The following FBXL7 variants were observed in gnomAD, a reference collection of about 807,000 sequenced individuals.
FBXL7 encodes F-box and leucine rich repeat protein 7, also known as F-box/LRR-repeat protein 7.
A neutral mutation model predicts 38.3 loss-of-function variants in FBXL7; 12 were observed. The ratio of observed to expected loss-of-function variants is 0.31; its 90% CI spans 0.20 to 0.51. FBXL7 has a LOEUF of 0.51. FBXL7 is among the 20% of genes least tolerant of loss of function. The probability of loss-of-function intolerance (pLI) is 0.98; values close to 1 mark genes in which losing one functional copy is unlikely to be tolerated. For missense variants in FBXL7, 567 were observed against 676.4 expected, an observed-to-expected ratio of 0.84 and a Z score of 1.79; for synonymous variants, 297 against 300.9, an observed-to-expected ratio of 0.99 and a Z score of 0.13.
At chr5:15,880,780 G>C (rs1397214903) in intron 2 of FBXL7, among the ~76,000 whole-genome samples, 2 of 147,682 alleles carry the variant, frequency 1.4e-5, no homozygotes, top group Admixed American at 1.4e-4. Context: ...ATTCCTGTAA[G>C]CCAAGGAAAG....
In FBXL7 at chr5:15,551,699, C is replaced by CAAAGA. The variant is rs1451611038; in HGVS notation, c.37+50987_37+50988insAAGAA. Among the ~76,000 whole-genome samples the CAAAGA allele has an allele frequency of 3.9e-5, 6 of 152,032 alleles. No individual in the cohort carries two copies. In the South Asian group the frequency reaches 6.2e-4, roughly 16 times the overall value. The stretch of plus-strand genomic sequence containing the variant: ...ATTAAGGAATTTTTTCCAAAAAATC[C>CAAAGA]ATTTTATGCCTCTTCATTTTTTCTG... On this transcript the variant is annotated intron_variant, in intron 1 of 3. Coordinates refer to ENST00000504595, the MANE Select transcript of FBXL7 (RefSeq NM_012304.5).
intron 2 of FBXL7, among the ~76,000 whole-genome samples, chr5:15,783,374 C>T (rs1036425937): frequency 2.0e-5 from 3 of 152,052 alleles, no homozygotes; most frequent in African/African-American, 7.2e-5. Flanking sequence ...AGACGAGATG[C>T]CTAAGGCAGA....
chr5:15,618,184 G>C (rs2126522388), intron 2 of FBXL7, among the ~76,000 whole-genome samples: 1 of 152,138 alleles, frequency 6.6e-6, no homozygotes, highest in East Asian at 1.9e-4. Flanking sequence ...TTGTCACAAT[G>C]TATTTTCTGT....
At chr5:15,718,589 A>G (rs1744108716) in intron 2 of FBXL7, among the ~76,000 whole-genome samples, 2 of 152,362 alleles carry the variant, frequency 1.3e-5, no homozygotes, top group Non-Finnish European at 2.9e-5. Flanking sequence ...CATCGTGATA[A>G]TCACAAGTTT....
chr5:15,554,625 T>C (rs1401000507), intron 1 of FBXL7, among the ~76,000 whole-genome samples: 2 of 152,160 alleles, frequency 1.3e-5, no homozygotes, highest in African/African-American at 4.8e-5. Context: ...TGAGAGTTCT[T>C]TACAAAGGGA....
intron 2 of FBXL7, among the ~76,000 whole-genome samples, chr5:15,768,518 G>A (rs1349155401): frequency 1.3e-5 from 2 of 149,728 alleles, no homozygotes; most frequent in Non-Finnish European, 3.0e-5. Context: ...GCGACGGAGC[G>A]AGACTCTGTC....
At chr5:15,797,922 G>A (rs933589544) in intron 2 of FBXL7, among the ~76,000 whole-genome samples, 1 of 152,176 alleles carries the variant, frequency 6.6e-6, no homozygotes, top group Non-Finnish European at 1.5e-5. Context: ...GATTTGCCCA[G>A]ACCTTTCAGG....
chr5:15,939,003 T>G lies in FBXL7; in HGVS notation c.*1817T>G, dbSNP rs1303082901. 2.5e-6 allele frequency: 1 copy of G among 398,980 alleles called. No individual in the cohort carries two copies. Among genetic ancestry groups the G allele is most frequent in the Non-Finnish European group, 4.4e-6 (1 of 226,080 alleles). The allele number at this position is 398,980 out of a possible 1,614,324, so 24.7% of individuals were successfully genotyped here. A position where few individuals can be genotyped will look rare whatever the true frequency, so the allele number is the denominator to read the frequency against. On this transcript the variant is annotated 3_prime_UTR_variant, in exon 4 of 4. Transcript: ENST00000504595. ...ATCTCCAAGCCAGTTATGCTGAATT[T>G]GTCAAACTTAGACACCCTTGACAAC...
intron 2 of FBXL7, among the ~76,000 whole-genome samples, chr5:15,724,552 G>T (rs1463561875): frequency 2.0e-5 from 3 of 152,206 alleles, no homozygotes; most frequent in Admixed American, 6.5e-5. Context: ...TTTCACAATA[G>T]ATTAGTTTTA....
intron 2 of FBXL7, among the ~76,000 whole-genome samples, chr5:15,730,695 T>C (rs1459328092): frequency 6.6e-6 from 1 of 152,222 alleles, no homozygotes; most frequent in East Asian, 1.9e-4. Flanking sequence ...ATGTATGTTT[T>C]GTTCTATTTT....
At chr5:15,576,317 C>T (rs542301499) in intron 1 of FBXL7, among the ~76,000 whole-genome samples, 3 of 151,956 alleles carry the variant, frequency 2.0e-5, no homozygotes, top group Non-Finnish European at 2.9e-5. Flanking sequence ...CTCCTGACCT[C>T]AGGTGATCCA....
At chr5:15,886,326 C>T (rs913090307) in intron 2 of FBXL7, among the ~76,000 whole-genome samples, 2 of 151,978 alleles carry the variant, frequency 1.3e-5, no homozygotes, top group African/African-American at 4.8e-5. Context: ...CATATTTTTA[C>T]AGTGAGAACA....
chr5:15,913,756 A>G (rs1030397876), intron 2 of FBXL7, among the ~76,000 whole-genome samples: 2 of 152,244 alleles, frequency 1.3e-5, no homozygotes, highest in South Asian at 4.1e-4. Flanking sequence ...AAGCCTTTGC[A>G]TGAAAATACA....
intron 1 of FBXL7, among the ~76,000 whole-genome samples, chr5:15,502,162 A>T (rs1736508974): frequency 6.6e-6 from 1 of 152,154 alleles, no homozygotes; most frequent in Admixed American, 6.5e-5. Flanking sequence ...TTCTGGGTGT[A>T]TGCTAGTTGA....
At chr5:15,611,151 G>A (rs568807533) in intron 1 of FBXL7, among the ~76,000 whole-genome samples, 2 of 152,112 alleles carry the variant, frequency 1.3e-5, no homozygotes, top group South Asian at 4.1e-4. Flanking sequence ...TAATCCTTGA[G>A]GCACTTTTAG....
intron 1 of FBXL7, among the ~76,000 whole-genome samples, chr5:15,501,174 T>C (rs1469421133): frequency 6.6e-6 from 1 of 152,192 alleles, no homozygotes; most frequent in Non-Finnish European, 1.5e-5. Flanking sequence ...CTTTGCTCGC[T>C]GCTCCTGCTC....
chr5:15,571,306 T>A (rs1738773496), intron 1 of FBXL7, among the ~76,000 whole-genome samples: 2 of 152,100 alleles, frequency 1.3e-5, no homozygotes, highest in South Asian at 2.1e-4. Flanking sequence ...CAGTTAGTCA[T>A]CCTTCCTTTA....
intron 2 of FBXL7, among the ~76,000 whole-genome samples, chr5:15,655,715 C>G (rs1741857796): frequency 6.6e-6 from 1 of 152,110 alleles, no homozygotes; most frequent in Non-Finnish European, 1.5e-5. Flanking sequence ...CTTAGGAGAG[C>G]AGCAGAAACA....
At chr5:15,819,290 C>CTAAT (rs1279212444) in intron 2 of FBXL7, among the ~76,000 whole-genome samples, 5 of 151,882 alleles carry the variant, frequency 3.3e-5, no homozygotes, top group African/African-American at 1.2e-4. Context: ...ATTTTAATTT[C>CTAAT]TAATTATACT....
Sources: gnomAD v4.1 joint callset for allele counts (sites outside exome capture counted in the v4.1 genomes callset) on GRCh38, gnomAD v4.1.1 for gene constraint, MANE v1.5 for transcripts, NCBI Gene and HGNC (gene_info 2026-07-23, HGNC 2026-07-21) for gene names.